The following ABHD3 variants were observed in gnomAD, a reference collection of about 807,000 sequenced individuals.
ABHD3 encodes the protein phospholipase ABHD3.
In ABHD3, 46 loss-of-function variants were observed where a neutral mutation model predicts 48.8. That is an observed-to-expected ratio of 0.94 (90% CI 0.74 to 1.20). The LOEUF (loss-of-function observed/expected upper bound fraction) is 1.20, where lower values mean the gene tolerates loss of function less well. Among genes scored for constraint, ABHD3 ranks in the 50% most tolerant of loss-of-function variants. The probability of loss-of-function intolerance (pLI) is 0.00; values close to 1 mark genes in which losing one functional copy is unlikely to be tolerated. For synonymous variants in ABHD3, 192 were observed against 183.7 expected (o/e 1.04, Z -0.36); for missense variants, 490 against 497.8 (o/e 0.98, Z 0.15).
chr18:21,658,638 T>A lies in ABHD3; in HGVS notation c.842+532A>T, dbSNP rs116736300. On this transcript the variant is annotated intron_variant, in intron 6 of 8. Coordinates refer to ENST00000289119, the MANE Select transcript of ABHD3 (RefSeq NM_138340.5). ...TCCACTGGGGTTCAGAAGGAAAACATTACAACTTTTAGCTATATTTTTAAC... is the reference window on the plus strand; with the variant it reads ...TCCACTGGGGTTCAGAAGGAAAACAATACAACTTTTAGCTATATTTTTAAC... 7.4e-3 allele frequency among the ~76,000 whole-genome samples: 1,120 copies of A among 152,300 alleles called. 15 individuals carry two copies. Among genetic ancestry groups the A allele is most frequent in the African/African-American group, 0.025 (1,055 of 41,570 alleles).
chr18:21,700,827 C>CAAAAAAAAAAAAAAAAAAAAAAAAAAAAA (rs375239917), intron 3 of ABHD3, among the ~76,000 whole-genome samples: 8 of 94,372 alleles, frequency 8.5e-5, no homozygotes, highest in African/African-American at 2.1e-4. Flanking sequence ...AAGTTTTAGC[C>CAAAAAAAAAAAAAAAAAAAAAAAAAAAAA]AAAAAAAAAA....
chr18:21,681,521 C>T (rs1452746115), intron 4 of ABHD3, among the ~76,000 whole-genome samples: 4 of 152,108 alleles, frequency 2.6e-5, no homozygotes, highest in Admixed American at 2.0e-4. Context: ...TCCCAGCCTC[C>T]AGCCTCCAGC....
At chr18:21,698,314 T>C (rs1252313104) in intron 3 of ABHD3, among the ~76,000 whole-genome samples, 1 of 152,010 alleles carries the variant, frequency 6.6e-6, no homozygotes, top group Non-Finnish European at 1.5e-5. Context: ...GTCTCCCAAG[T>C]TGCTGGGATT....
At chr18:21,696,300 C>T (rs1002321195) in intron 3 of ABHD3, among the ~76,000 whole-genome samples, 50 of 152,018 alleles carry the variant, frequency 3.3e-4, no homozygotes, top group Admixed American at 6.6e-5. Context: ...CCTGCCAACA[C>T]GCCCGGCTAG....
chr18:21,669,108 G>A (rs1187877407), intron 4 of ABHD3, among the ~76,000 whole-genome samples: 1 of 152,092 alleles, frequency 6.6e-6, no homozygotes, highest in Non-Finnish European at 1.5e-5. Context: ...AATTAGCCAG[G>A]TGTGGTGGAG....
chr18:21,653,403 C>T (rs907676963), intron 8 of ABHD3, among the ~76,000 whole-genome samples: 1 of 151,620 alleles, frequency 6.6e-6, no homozygotes, highest in African/African-American at 2.4e-5. Context: ...CCTGCCTCAG[C>T]CTCCCAAAGC....
At chr18:21,694,069 T>A (rs1009412725) in intron 3 of ABHD3, among the ~76,000 whole-genome samples, 1 of 152,132 alleles carries the variant, frequency 6.6e-6, no homozygotes, top group East Asian at 1.9e-4. Flanking sequence ...TGCTACTTCC[T>A]CTACATAAAA....
At position 21,683,909 on chromosome 18, in the gene ABHD3, A is replaced by C. The variant is rs2040066285; in HGVS notation, c.555+11T>G. On this transcript the variant is annotated intron_variant, in intron 4 of 8. Coordinates refer to ENST00000289119, the MANE Select transcript of ABHD3 (RefSeq NM_138340.5). ...AAAAAGTTAAGACTGTTGTCATTTA[A>C]ATTTACTTACCAAGAGATTCTCCCC... 6.9e-6 allele frequency: 11 copies of C among 1,588,094 alleles called. No homozygotes were observed. Among genetic ancestry groups the C allele is most frequent in the Non-Finnish European group, 8.6e-6 (10 of 1,166,476 alleles).
At chr18:21,659,962 C>CTTTTTTTTTTTT (rs60634505) in intron 5 of ABHD3, among the ~76,000 whole-genome samples, 2 of 73,860 alleles carry the variant, frequency 2.7e-5, no homozygotes, top group African/African-American at 1.6e-4. Context: ...TGCACCCGGC[C>CTTTTTTTTTTTT]TTTTTTTTTT....
intron 3 of ABHD3, among the ~76,000 whole-genome samples, chr18:21,694,527 T>A (rs28604923): frequency 0.19 from 28,706 of 152,180 alleles, 2,893 homozygotes; most frequent in Middle Eastern, 0.29. Flanking sequence ...GAATAAGAGA[T>A]CCTAATTCTG....
At chr18:21,670,807 G>A (rs1277075768) in intron 4 of ABHD3, among the ~76,000 whole-genome samples, 1 of 152,142 alleles carries the variant, frequency 6.6e-6, no homozygotes, top group African/African-American at 2.4e-5. Context: ...TTGAGGTCAG[G>A]AGTTCGAGAC....
At chr18:21,675,372 G>C (rs550545189) in intron 4 of ABHD3, among the ~76,000 whole-genome samples, 3 of 149,572 alleles carry the variant, frequency 2.0e-5, no homozygotes, top group South Asian at 2.1e-4. Context: ...GGGTTCAAGC[G>C]ATTCTCCTGC....
At chr18:21,689,556 A>AAAAG (rs2040200616) in intron 3 of ABHD3, among the ~76,000 whole-genome samples, 1 of 146,764 alleles carries the variant, frequency 6.8e-6, no homozygotes. Flanking sequence ...TCTCAAAAAA[A>AAAAG]AAAAAAAAAA....
At chr18:21,678,094 A>G (rs975055508) in intron 4 of ABHD3, among the ~76,000 whole-genome samples, 8 of 152,160 alleles carry the variant, frequency 5.3e-5, no homozygotes, top group East Asian at 3.8e-4. Flanking sequence ...AGTAGCTGGT[A>G]TAACAGGCAC....
intron 8 of ABHD3, among the ~76,000 whole-genome samples, chr18:21,652,471 A>G (rs1193187281): frequency 6.6e-6 from 1 of 152,074 alleles, no homozygotes; most frequent in Non-Finnish European, 1.5e-5. Flanking sequence ...GGAAAGAGAG[A>G]AAGAAAAAAG....
intron 4 of ABHD3, among the ~76,000 whole-genome samples, chr18:21,667,179 T>C (rs1214524027): frequency 6.7e-6 from 1 of 150,104 alleles, no homozygotes; most frequent in Non-Finnish European, 1.5e-5. Context: ...GTTCACACCA[T>C]TCTCCTGCCT....
At chr18:21,691,511 C>G (rs919661060) in intron 3 of ABHD3, among the ~76,000 whole-genome samples, 1 of 152,134 alleles carries the variant, frequency 6.6e-6, no homozygotes, top group Non-Finnish European at 1.5e-5. Context: ...AACAAATGAA[C>G]ATAATTCACG....
chr18:21,704,501 C>T lies in ABHD3; in HGVS notation c.162+3G>A, dbSNP rs76867119. The stretch of plus-strand genomic sequence containing the variant: ...CCGCGGCCCTGCGCCACCCCCGGCT[C>T]ACCTTGGCAATGCTGCTCAGGTAGT... On this transcript the variant is annotated splice_donor_region_variant and intron_variant, in intron 1 of 8. Transcript: ENST00000289119. The T allele has an allele frequency of 3.4e-3, 4,804 of 1,428,434 alleles. 145 individuals carry two copies. The African/African-American group carries it at 0.063, about 19-fold the overall frequency. The allele number at this position is 1,428,434 out of a possible 1,614,324, so 88.5% of individuals were successfully genotyped here. A position where few individuals can be genotyped will look rare whatever the true frequency, so the allele number is the denominator to read the frequency against.
At chr18:21,657,935 C>T (rs1003354456) in intron 6 of ABHD3, among the ~76,000 whole-genome samples, 3 of 152,052 alleles carry the variant, frequency 2.0e-5, no homozygotes, top group South Asian at 2.1e-4. Context: ...GGGGGGCTCA[C>T]GTCTGTAGTC....
Sources: allele counts gnomAD v4.1 joint callset (sites outside exome capture counted in the v4.1 genomes callset), GRCh38; gene constraint gnomAD v4.1.1; transcripts MANE v1.5; gene names NCBI Gene and HGNC (gene_info 2026-07-23, HGNC 2026-07-21).